Variants in GLIS3 observed in about 807,000 individuals in gnomAD.
GLIS3 encodes zinc finger protein GLIS3.
In GLIS3, 53 loss-of-function variants were observed where a neutral mutation model predicts 78.6. That is an observed-to-expected ratio of 0.67 (90% CI 0.54 to 0.85). The LOEUF is 0.85. GLIS3 is among the 40% of genes least tolerant of loss of function. The probability of loss-of-function intolerance (pLI) is 0.00; values close to 1 mark genes in which losing one functional copy is unlikely to be tolerated. For synonymous variants in GLIS3, 684 were observed against 509.9 expected (o/e 1.34, Z -4.60); for missense variants, 1,703 against 1,231.1 (o/e 1.38, Z -5.74).
At chr9:4,448,205 G>A in the GLIS3 span, among the ~76,000 whole-genome samples, 2 of 152,196 alleles carry the variant, frequency 1.3e-5, no homozygotes, top group South Asian at 4.1e-4. Flanking sequence ...GATATAATCG[G>A]TTCTTTGCTA....
chr9:4,334,112 T>C (rs1459316227), intron 2 of GLIS3, among the ~76,000 whole-genome samples: 2 of 152,204 alleles, frequency 1.3e-5, no homozygotes, highest in African/African-American at 4.8e-5. Flanking sequence ...TTACAGCAAG[T>C]TCTGACTGAG....
intron 2 of GLIS3, among the ~76,000 whole-genome samples, chr9:4,231,304 A>G (rs1309424966): frequency 1.3e-5 from 2 of 152,214 alleles, no homozygotes. Context: ...GTAAATTTGA[A>G]GATAATGGCA....
At chr9:4,333,111 G>T (rs192995271) in intron 2 of GLIS3, among the ~76,000 whole-genome samples, 2 of 152,264 alleles carry the variant, frequency 1.3e-5, no homozygotes, top group South Asian at 4.1e-4. Flanking sequence ...CCTTAGCCAG[G>T]TGCTGCACTC....
At position 4,032,329 on chromosome 9, in the gene GLIS3, G is replaced by C. The variant is rs187051662; in HGVS notation, c.1710+85439C>G. ...GGCTCTAAAATCTGCATTCCAGCTA[G>C]GAACTTTGGTCCTTAGCAGCGTAAT... On this transcript the variant is annotated intron_variant, in intron 4 of 10. Coordinates refer to ENST00000381971, the MANE Select transcript of GLIS3 (RefSeq NM_001042413.2). 4.0e-3 allele frequency among the ~76,000 whole-genome samples: 596 copies of C among 149,364 alleles called. 5 individuals carry two copies. Among genetic ancestry groups the C allele is most frequent in the Middle Eastern group, 0.037 (11 of 294 alleles).
chr9:4,321,530 A>G, intron 2 of GLIS3, among the ~76,000 whole-genome samples: 1 of 146,916 alleles, frequency 6.8e-6, no homozygotes, highest in Admixed American at 6.9e-5. Context: ...TACCCAGTGC[A>G]TGGTCTTCTC....
At chr9:3,923,378 GTACTC>G (rs1441707191) in intron 6 of GLIS3, among the ~76,000 whole-genome samples, 1 of 151,992 alleles carries the variant, frequency 6.6e-6, no homozygotes, top group African/African-American at 2.4e-5. Flanking sequence ...TGCTGACACT[GTACTC>G]TACACCATGA....
intron 8 of GLIS3, among the ~76,000 whole-genome samples, chr9:3,876,692 AGGGG>A (rs1563803054): frequency 3.3e-3 from 1 of 306 alleles, no homozygotes; most frequent in Non-Finnish European, 8.1e-3. Context: ...GAAGGGAGGG[AGGGG>A]AGGGAGGGGA....
chr9:3,936,581 G>A (rs1825910453), intron 5 of GLIS3, among the ~76,000 whole-genome samples: 1 of 151,830 alleles, frequency 6.6e-6, no homozygotes, highest in East Asian at 1.9e-4. Context: ...TAGCTGCAAA[G>A]TTCTATGTCA....
At chr9:4,204,710 G>T (rs942864308) in intron 2 of GLIS3, among the ~76,000 whole-genome samples, 1 of 152,066 alleles carries the variant, frequency 6.6e-6, no homozygotes, top group Admixed American at 6.5e-5. Flanking sequence ...CTGAGCTCAG[G>T]AGTTTGAGAC....
the GLIS3 span, among the ~76,000 whole-genome samples, chr9:4,390,731 T>C: frequency 6.6e-6 from 1 of 152,124 alleles, no homozygotes; most frequent in Non-Finnish European, 1.5e-5. Context: ...TAGTCCACTG[T>C]GGGACAGGAC....
At chr9:4,170,657 T>G (rs1304332105) in intron 2 of GLIS3, among the ~76,000 whole-genome samples, 1 of 152,140 alleles carries the variant, frequency 6.6e-6, no homozygotes, top group Non-Finnish European at 1.5e-5. Flanking sequence ...ATCAGAAGGC[T>G]TACACGAAAT....
At chr9:3,871,873 C>T (rs1820991662) in intron 8 of GLIS3, among the ~76,000 whole-genome samples, 1 of 152,226 alleles carries the variant, frequency 6.6e-6, no homozygotes, top group Non-Finnish European at 1.5e-5. Context: ...TTGAATTTCT[C>T]CCCAGAAAAT....
chr9:4,262,428 C>A (rs1168278137), intron 2 of GLIS3, among the ~76,000 whole-genome samples: 1 of 151,922 alleles, frequency 6.6e-6, no homozygotes, highest in Non-Finnish European at 1.5e-5. Context: ...GGGATGGGGG[C>A]CCAAGAGGCT....
chr9:4,014,814 T>C (rs534084325), intron 4 of GLIS3, among the ~76,000 whole-genome samples: 1 of 152,204 alleles, frequency 6.6e-6, no homozygotes, highest in African/African-American at 2.4e-5. Context: ...CTGGAGAGAC[T>C]TGAATGGCTT....
intron 2 of GLIS3, among the ~76,000 whole-genome samples, chr9:4,166,224 C>T (rs749902614): frequency 1.5e-4 from 23 of 152,220 alleles, no homozygotes; most frequent in South Asian, 4.2e-4. Context: ...ATAATCAATA[C>T]GTTTATTAAG....
chr9:4,035,147 A>C (rs967483728), intron 4 of GLIS3: 3 of 152,222 alleles, frequency 2.0e-5, no homozygotes, highest in Admixed American at 6.5e-5. Context: ...CTACAGCTGT[A>C]CAGAGTGCTA....
At chr9:4,218,676 G>A (rs1821067172) in intron 2 of GLIS3, among the ~76,000 whole-genome samples, 1 of 152,106 alleles carries the variant, frequency 6.6e-6, no homozygotes, top group Admixed American at 6.5e-5. Flanking sequence ...TGTGGCTAGT[G>A]CAAATGGGAA....
intron 2 of GLIS3, among the ~76,000 whole-genome samples, chr9:4,334,809 C>T (rs1817733154): frequency 6.6e-6 from 1 of 152,132 alleles, no homozygotes; most frequent in African/African-American, 2.4e-5. Flanking sequence ...TGTACTCTGA[C>T]CTTTAAAAGC....
chr9:4,027,478 C>T (rs1242545072), intron 4 of GLIS3, among the ~76,000 whole-genome samples: 2 of 152,088 alleles, frequency 1.3e-5, no homozygotes, highest in Admixed American at 6.6e-5. Flanking sequence ...TAGACATATT[C>T]ACTCCCCCCA....
Sources: allele counts gnomAD v4.1 joint callset (sites outside exome capture counted in the v4.1 genomes callset), GRCh38; gene constraint gnomAD v4.1.1; transcripts MANE v1.5; gene names NCBI Gene and HGNC (gene_info 2026-07-23, HGNC 2026-07-21).